FRAS1: variants seen among roughly 807,000 people sequenced by gnomAD.
FRAS1 encodes the protein Fraser extracellular matrix complex subunit 1.
A neutral mutation model predicts 435.2 loss-of-function variants in FRAS1; 290 were observed. That is an observed-to-expected ratio of 0.67 (90% confidence interval 0.61 to 0.73). The LOEUF (loss-of-function observed/expected upper bound fraction) is 0.73. FRAS1 is among the 30% of genes least tolerant of loss of function. FRAS1 has a pLI of 0.00. For synonymous variants in FRAS1, 1,800 were observed against 1,851.0 expected (o/e 0.97, Z 0.71); for missense variants, 4,860 against 5,001.5 (o/e 0.97, Z 0.85).
chr4:78,195,216 G>T (rs907828207), intron 2 of FRAS1, among the ~76,000 whole-genome samples: 5 of 152,216 alleles, frequency 3.3e-5, no homozygotes, highest in Non-Finnish European at 4.4e-5. Context: ...CTACTCGGGG[G>T]TCAGGGACCC....
chr4:78,461,670 C>T (rs968463755), intron 47 of FRAS1, among the ~76,000 whole-genome samples: 1 of 152,130 alleles, frequency 6.6e-6, no homozygotes, highest in Non-Finnish European at 1.5e-5. Context: ...GGTACTACCA[C>T]CTTGGAAAAG....
At chr4:78,454,242 T>C (rs1011094796) in intron 47 of FRAS1, among the ~76,000 whole-genome samples, 2 of 150,702 alleles carry the variant, frequency 1.3e-5, no homozygotes, top group Non-Finnish European at 2.9e-5. Flanking sequence ...GCAGGTTCCG[T>C]CAGACAAATC....
intron 2 of FRAS1, among the ~76,000 whole-genome samples, chr4:78,234,997 C>T (rs778606380): frequency 1.7e-4 from 26 of 152,158 alleles, no homozygotes; most frequent in Admixed American, 2.6e-4. Flanking sequence ...GCGATCATTG[C>T]GACTGGCAAG....
chr4:78,447,393 G>A lies in FRAS1; in HGVS notation c.6010+513G>A, dbSNP rs115314196. Among the ~76,000 whole-genome samples the A allele has an allele frequency of 3.6e-3, 533 of 149,630 alleles. 4 individuals are homozygous for A. The highest frequency in any genetic ancestry group is 0.012 in the African/African-American group (502 of 40,574). ...TTTAAGAGCCATCTCTCCAGTTATT[G>A]GCTAAAGTTCTGGAATGCAAGTGGT... On this transcript the variant is annotated intron_variant, in intron 43 of 73. Transcript: ENST00000512123.
chr4:78,511,786 C>CTGCCA, intron 64 of FRAS1, among the ~76,000 whole-genome samples: 1 of 152,190 alleles, frequency 6.6e-6, no homozygotes, highest in East Asian at 1.9e-4. Context: ...TTGCATATCT[C>CTGCCA]TGCCATGCTG....
At position 78,362,435 on chromosome 4, in the gene FRAS1, G is replaced by T. The variant is rs576316506; in HGVS notation, c.2423-1078G>T. 4.9e-4 allele frequency among the ~76,000 whole-genome samples: 75 copies of T among 152,334 alleles called. 1 individual carries two copies. The South Asian group carries it at 0.015, about 31-fold the overall frequency. On this transcript the variant is annotated intron_variant, in intron 20 of 73. Coordinates refer to ENST00000512123, the MANE Select transcript of FRAS1 (RefSeq NM_025074.7). The stretch of plus-strand genomic sequence containing the variant: ...TGTGCTCAACCCCTTGTAGGAGAAA[G>T]CATGTATGTTAGTGAGTGCAGGATC...
At chr4:78,346,430 T>A (rs1230729632) in intron 20 of FRAS1, among the ~76,000 whole-genome samples, 1 of 152,180 alleles carries the variant, frequency 6.6e-6, no homozygotes, top group Non-Finnish European at 1.5e-5. Flanking sequence ...TTACCCAACG[T>A]GTCACAGTTA....
intron 61 of FRAS1, among the ~76,000 whole-genome samples, chr4:78,506,344 C>T (rs573394923): frequency 6.6e-6 from 1 of 152,322 alleles, no homozygotes; most frequent in South Asian, 2.1e-4. Flanking sequence ...TCAGCTATGC[C>T]CTGCCCACAG....
At chr4:78,297,755 A>T (rs923924674) in intron 14 of FRAS1, among the ~76,000 whole-genome samples, 7 of 152,182 alleles carry the variant, frequency 4.6e-5, no homozygotes, top group African/African-American at 1.7e-4. Context: ...GCCCTGTGTG[A>T]TCTGAAATGT....
chr4:78,111,921 T>G (rs1742738530), intron 2 of FRAS1, among the ~76,000 whole-genome samples: 1 of 152,096 alleles, frequency 6.6e-6, no homozygotes, highest in Non-Finnish European at 1.5e-5. Flanking sequence ...TATTACACAC[T>G]TCTGATGACA....
chr4:78,496,709 G>A (rs7674053), intron 59 of FRAS1, 96 bp from the exon 60 acceptor site: 314,048 of 1,129,080 alleles, frequency 0.28, 49,220 homozygotes, highest in East Asian at 0.53. Flanking sequence ...TGGACTTTTT[G>A]ATGCAATAAA....
chr4:78,248,044 G>A (rs957264884), intron 4 of FRAS1, among the ~76,000 whole-genome samples: 1 of 152,174 alleles, frequency 6.6e-6, no homozygotes. Context: ...CTTGGGGGAG[G>A]ACCTCCTTTG....
rs751671013 is a variant in FRAS1, at chr4:78,448,206, C to G, written c.6164C>G (p.Ser2055Cys). 1.2e-6 allele frequency: 2 copies of G among 1,613,354 alleles called. No homozygotes were observed. The highest frequency in any genetic ancestry group is 1.7e-6 in the Non-Finnish European group (2 of 1,179,832). ...ATGGTCGTGGATGAGTTCCAGTTCT[C>G]CCTCACTGATGGCCTCCACGTGGAC... ...PGMVVDEFQF[S>C]LTDGLHVDTG... Residue 2055 changes from serine to cysteine, a missense_variant, in exon 44 of 74, where the codon TCC becomes TGC. Ser to Cys is a moderately radical substitution (Grantham distance 112). Coordinates refer to ENST00000512123, the MANE Select transcript of FRAS1 (RefSeq NM_025074.7).
intron 30 of FRAS1, among the ~76,000 whole-genome samples, chr4:78,403,942 C>G (rs556724420): frequency 1.3e-5 from 2 of 152,208 alleles, no homozygotes; most frequent in Middle Eastern, 6.8e-3. Context: ...AAGTGAAAAA[C>G]AATGGTTTTG....
chr4:78,499,225 G>T (rs1367382802), intron 60 of FRAS1, among the ~76,000 whole-genome samples: 2 of 152,006 alleles, frequency 1.3e-5, no homozygotes, highest in Admixed American at 1.3e-4. Flanking sequence ...AAGAGGAGGG[G>T]GTCCAAAGGA....
At chr4:78,414,788 A>G (rs1437339814) in intron 32 of FRAS1, among the ~76,000 whole-genome samples, 1 of 152,238 alleles carries the variant, frequency 6.6e-6, no homozygotes, top group Non-Finnish European at 1.5e-5. Context: ...TGTGGAAGAC[A>G]TTGGAGAGTC....
intron 14 of FRAS1, among the ~76,000 whole-genome samples, chr4:78,303,191 G>T (rs1728511732): frequency 6.6e-6 from 1 of 151,992 alleles, no homozygotes; most frequent in Non-Finnish European, 1.5e-5. Context: ...TATTTCTGAG[G>T]GCTCTGTTCT....
chr4:78,520,444 T>C (rs911855389), intron 67 of FRAS1, among the ~76,000 whole-genome samples: 2 of 152,102 alleles, frequency 1.3e-5, no homozygotes, highest in African/African-American at 4.8e-5. Flanking sequence ...GAAAGCTTCA[T>C]CTCTACTAAT....
intron 56 of FRAS1, 38 bp downstream of exon 56, chr4:78,479,756 C>T (rs781460890): frequency 2.1e-6 from 3 of 1,450,038 alleles, no homozygotes; most frequent in African/African-American, 2.8e-5. Flanking sequence ...TCACCTGTCT[C>T]CTGATTCCTT....
Sources: gnomAD v4.1 joint callset for allele counts (sites outside exome capture counted in the v4.1 genomes callset) on GRCh38, gnomAD v4.1.1 for gene constraint, MANE v1.5 for transcripts, NCBI Gene and HGNC (gene_info 2026-07-23, HGNC 2026-07-21) for gene names.